The following FRMPD4 variants were observed in gnomAD, a reference collection of about 807,000 sequenced individuals.
The protein encoded by FRMPD4 is FERM and PDZ domain-containing protein 4.
In FRMPD4, 22 loss-of-function variants were observed where a neutral mutation model predicts 94.1. That is an observed-to-expected ratio of 0.23 (90% CI 0.17 to 0.33). The LOEUF (loss-of-function observed/expected upper bound fraction) is 0.33, where lower values mean the gene tolerates loss of function less well. FRMPD4 is among the 10% of genes least tolerant of loss of function. FRMPD4 has a pLI of 1.00. For missense variants in FRMPD4, 1,111 were observed against 1,339.9 expected (o/e 0.83, Z 2.67); for synonymous variants, 631 against 548.6 (o/e 1.15, Z -2.10).
At chrX:12,689,551 C>G (rs1480770092) in intron 7 of FRMPD4, among the ~76,000 whole-genome samples, 1 of 112,226 alleles carries the variant, frequency 8.9e-6, no homozygotes, top group African/African-American at 3.2e-5. Flanking sequence ...GGATTAGAAG[C>G]CTAACTGTTT....
At chrX:12,277,053 G>A (rs1174019305) in intron 1 of FRMPD4, among the ~76,000 whole-genome samples, 4 of 101,853 alleles carry the variant, frequency 3.9e-5, no homozygotes, top group Admixed American at 3.1e-4. Context: ...CCCGGGAGGC[G>A]GAGCTTGCAG....
Position 12,716,457 on chromosome X carries a change from C to T in FRMPD4, c.1998C>T (p.Pro666=). ...TCGCCTTGGATGATGGTATTAGTCC[C>T]CCAACCCTTGGCTATGAAACGCTAC... ...GDFALDDGIS[P]PTLGYETLLD... is the part of the protein sequence containing the mutation. The change falls in exon 15 of 17, where the codon CCC becomes CCT. Residue 666 remains proline, a synonymous_variant. Transcript: ENST00000675598. The T allele has an allele frequency of 8.3e-7, 1 of 1,210,195 alleles. No individual in the cohort carries two copies. Among genetic ancestry groups the T allele is most frequent in the African/African-American group, 1.7e-5 (1 of 57,505 alleles).
intron 1 of FRMPD4, among the ~76,000 whole-genome samples, chrX:12,221,208 A>G (rs764247821): frequency 1.8e-5 from 2 of 112,490 alleles, no homozygotes; most frequent in East Asian, 5.6e-4. Flanking sequence ...TGGAAGCAAG[A>G]CTATACATTT....
chrX:12,524,266 G>A (rs574604566), intron 2 of FRMPD4, among the ~76,000 whole-genome samples: 2 of 112,311 alleles, frequency 1.8e-5, no homozygotes, highest in East Asian at 5.6e-4. Flanking sequence ...CAGATGGACT[G>A]GAATCTCCTG....
At chrX:12,036,370 A>G (rs2054720293) in intron 3 of FRMPD4, among the ~76,000 whole-genome samples, 1 of 112,381 alleles carries the variant, frequency 8.9e-6, no homozygotes, top group African/African-American at 3.2e-5. Flanking sequence ...TGAGAAATAA[A>G]TGCAATAACT....
intron 3 of FRMPD4, among the ~76,000 whole-genome samples, chrX:12,099,782 A>G (rs1195876385): frequency 1.8e-5 from 2 of 112,600 alleles, no homozygotes; most frequent in East Asian, 2.8e-4. Flanking sequence ...ACATCTCAAC[A>G]TAGGGGAAAG....
chrX:12,477,080 G>A (rs1402936305), intron 1 of FRMPD4, among the ~76,000 whole-genome samples: 2 of 111,930 alleles, frequency 1.8e-5, no homozygotes, highest in Non-Finnish European at 3.8e-5. Flanking sequence ...GATAGACTAG[G>A]TTAAGAAAAT....
chrX:12,444,616 A>G (rs1487348188), intron 1 of FRMPD4, among the ~76,000 whole-genome samples: 1 of 112,012 alleles, frequency 8.9e-6, no homozygotes, highest in Non-Finnish European at 1.9e-5. Context: ...ATTTATAAAC[A>G]AGAGAAATAT....
intron 2 of FRMPD4, among the ~76,000 whole-genome samples, chrX:12,525,780 G>T (rs776243805): frequency 1.1e-4 from 12 of 111,990 alleles, no homozygotes; most frequent in Non-Finnish European, 2.3e-4. Context: ...CCATATCCTT[G>T]ACAATATTTG....
At chrX:12,563,239 TACACAC>T (rs369700317) in intron 2 of FRMPD4, among the ~76,000 whole-genome samples, 3,400 of 97,221 alleles carry the variant, frequency 0.035, 68 homozygotes, top group Middle Eastern at 0.095. Context: ...TGTAAGTGTG[TACACAC>T]ACACACACAC....
chrX:12,511,065 G>A (rs1000812297), intron 2 of FRMPD4, among the ~76,000 whole-genome samples: 4 of 112,432 alleles, frequency 3.6e-5, no homozygotes, highest in African/African-American at 1.3e-4. Flanking sequence ...CACAAACGCA[G>A]AGAAGACAGC....
intron 3 of FRMPD4, among the ~76,000 whole-genome samples, chrX:11,913,499 A>G (rs1330705031): frequency 8.9e-6 from 1 of 111,916 alleles, no homozygotes. Flanking sequence ...TCTCAGTTTC[A>G]TTGCTGAGTA....
intron 1 of FRMPD4, among the ~76,000 whole-genome samples, chrX:12,296,152 C>T (rs749965728): frequency 1.8e-5 from 2 of 111,193 alleles, no homozygotes; most frequent in South Asian, 7.7e-4. Flanking sequence ...ACGTGACCAT[C>T]CCTGATTGTG....
chrX:12,470,663 A>G (rs1314223667), intron 1 of FRMPD4, among the ~76,000 whole-genome samples: 2 of 112,185 alleles, frequency 1.8e-5, no homozygotes, highest in Admixed American at 9.5e-5. Flanking sequence ...CATTTCAGAT[A>G]TAATTATAAC....
At chrX:12,054,251 C>T (rs752985693) in intron 3 of FRMPD4, among the ~76,000 whole-genome samples, 2 of 110,893 alleles carry the variant, frequency 1.8e-5, no homozygotes, top group South Asian at 7.7e-4. Flanking sequence ...GTGTCCTAAA[C>T]CCCATCAGCC....
At chrX:12,037,197 A>G (rs758844393) in intron 3 of FRMPD4, among the ~76,000 whole-genome samples, 1 of 111,708 alleles carries the variant, frequency 9.0e-6, no homozygotes, top group South Asian at 3.8e-4. Flanking sequence ...AAATATTTAG[A>G]GTTTTTAGAA....
At chrX:12,587,129 A>G (rs774407515) in intron 2 of FRMPD4, among the ~76,000 whole-genome samples, 1 of 110,055 alleles carries the variant, frequency 9.1e-6, no homozygotes, top group African/African-American at 3.3e-5. Context: ...AGTTCGCGCC[A>G]CCACGCCTAT....
At chrX:12,428,201 T>A (rs1185897941) in intron 1 of FRMPD4, among the ~76,000 whole-genome samples, 4 of 111,063 alleles carry the variant, frequency 3.6e-5, no homozygotes, top group African/African-American at 9.8e-5. Context: ...ATTTTAACTT[T>A]AAAAAAAATC....
intron 3 of FRMPD4, among the ~76,000 whole-genome samples, chrX:11,946,544 G>A (rs986831755): frequency 8.1e-5 from 9 of 111,701 alleles, no homozygotes; most frequent in African/African-American, 2.9e-4. Context: ...ACCCCTGATG[G>A]TGCTTGCTCT....
Sources: gnomAD v4.1 joint callset for allele counts (sites outside exome capture counted in the v4.1 genomes callset) on GRCh38, gnomAD v4.1.1 for gene constraint, MANE v1.5 for transcripts, NCBI Gene and HGNC (gene_info 2026-07-23, HGNC 2026-07-21) for gene names.